COL4A5: variants seen among roughly 807,000 people sequenced by gnomAD.
COL4A5 encodes the protein collagen alpha-5(IV) chain.
COL4A5 carries 26 observed loss-of-function variants against 130.2 expected under a neutral mutation model. That is an observed-to-expected ratio of 0.20 (90% CI 0.15 to 0.28). The LOEUF is 0.28. COL4A5 is among the 10% of genes least tolerant of loss of function. The pLI is 1.00. For missense variants in COL4A5, 1,131 were observed against 1,344.3 expected (o/e 0.84, Z 2.48); for synonymous variants, 496 against 439.6 (o/e 1.13, Z -1.60).
intron 1 of COL4A5, among the ~76,000 whole-genome samples, chrX:108,448,994 C>T (rs1305647059): frequency 8.9e-6 from 1 of 111,947 alleles, no homozygotes; most frequent in Non-Finnish European, 1.9e-5. Context: ...ATGTGTATCT[C>T]TTTTTACTAG....
chrX:108,648,428 G>A (rs1372058938), intron 36 of COL4A5, among the ~76,000 whole-genome samples: 4 of 107,889 alleles, frequency 3.7e-5, no homozygotes, highest in Non-Finnish European at 5.9e-5. Context: ...GCCTAATACC[G>A]AGACCAAAAA....
chrX:108,668,568 G>T, intron 41 of COL4A5, 64 bp downstream of exon 41: 1 of 934,263 alleles, frequency 1.1e-6, no homozygotes, highest in East Asian at 3.3e-5. Flanking sequence ...TTTGCTGGCA[G>T]GTTATTCAGT....
intron 4 of COL4A5, among the ~76,000 whole-genome samples, chrX:108,564,135 T>G (rs778879778): frequency 1.2e-4 from 13 of 111,752 alleles, no homozygotes; most frequent in African/African-American, 4.2e-4. Flanking sequence ...TTTATATATA[T>G]GTCTATTTAA....
intron 36 of COL4A5, among the ~76,000 whole-genome samples, chrX:108,631,254 C>T (rs1472813531): frequency 2.7e-5 from 3 of 111,633 alleles, no homozygotes; most frequent in African/African-American, 9.8e-5. Flanking sequence ...GCAGAATGGC[C>T]ATTTTCACGA....
chrX:108,540,552 G>A (rs1195717119), intron 2 of COL4A5, among the ~76,000 whole-genome samples: 1 of 111,382 alleles, frequency 9.0e-6, no homozygotes, highest in Admixed American at 9.5e-5. Flanking sequence ...CTGGGTTCAA[G>A]CAGTTCTCGT....
At chrX:108,593,722 T>C (rs964823279) in intron 21 of COL4A5, among the ~76,000 whole-genome samples, 2 of 111,812 alleles carry the variant, frequency 1.8e-5, no homozygotes, top group Non-Finnish European at 3.8e-5. Context: ...CATGACCATA[T>C]GTGTGTAGGT....
In COL4A5 at chrX:108,584,501, T is replaced by A; in HGVS notation, c.1008T>A (p.Thr336=). 8 of 1,207,457 alleles carry A rather than the reference T, an allele frequency of 6.6e-6. No individual in the cohort carries two copies. Among genetic ancestry groups the A allele is most frequent in the Non-Finnish European group, 9.0e-6 (8 of 893,125 alleles). ...TTGAACAGGGCCAAAAAGGTGACACTGGCCCACCTGGACCTCCTGGACTTG... is the reference window on the plus strand; with the variant it reads ...TTGAACAGGGCCAAAAAGGTGACACAGGCCCACCTGGACCTCCTGGACTTG... The part of the protein sequence containing the change: ...RDGEKGQKGD[T]GPPGPPGLVI... The change falls in exon 18 of 53, where the codon ACT becomes ACA. Residue 336 remains threonine, a synonymous_variant. Coordinates refer to ENST00000328300, the MANE Select transcript of COL4A5 (RefSeq NM_033380.3).
rs2068088538 is a variant in COL4A5 at position 108,666,730 on chromosome X, C to T, written c.3553+136C>T. 3 of 559,845 alleles carry T rather than the reference C, an allele frequency of 5.4e-6. No individual in the cohort carries two copies. In the South Asian group the frequency reaches 8.7e-5, roughly 16 times the overall value. 46.1% of individuals were successfully genotyped at this position (559,845 alleles called of 1,213,427 possible). A position where few individuals can be genotyped will look rare whatever the true frequency, so the allele number is the denominator to read the frequency against. The stretch of plus-strand genomic sequence containing the variant: ...CACACTTTCCCCTTTTCCTAGTTAC[C>T]GTCTTCCTCTTCATCCTGAGACTAT... On this transcript the variant is annotated intron_variant, in intron 39 of 52. Coordinates refer to ENST00000328300, the MANE Select transcript of COL4A5 (RefSeq NM_033380.3).
At chrX:108,575,999 C>A in intron 10 of COL4A5, 27 bp downstream of exon 10, 1 of 968,782 alleles carries the variant, frequency 1.0e-6, no homozygotes, top group South Asian at 2.1e-5. Context: ...AATTTAATTT[C>A]CCCCCCTTTC....
At chrX:108,596,959 TTGTG>T (rs747434772) in intron 22 of COL4A5, 35 bp from the exon 23 acceptor site, 6 of 1,099,097 alleles carry the variant, frequency 5.5e-6, no homozygotes, top group Non-Finnish European at 4.9e-6. Flanking sequence ...GCTTACGTTA[TTGTG>T]TGTGTGTGTG....
intron 31 of COL4A5, among the ~76,000 whole-genome samples, 172 bp downstream of exon 31, chrX:108,620,598 C>G (rs935377815): frequency 1.1e-4 from 12 of 112,096 alleles, no homozygotes; most frequent in African/African-American, 3.9e-4. Context: ...GCACATTTTT[C>G]TCTGTGAGAG....
At chrX:108,620,508 C>T in intron 31 of COL4A5, 82 bp downstream of exon 31, 2 of 825,075 alleles carry the variant, frequency 2.4e-6, no homozygotes, top group East Asian at 6.5e-5. Flanking sequence ...CCATGTTACA[C>T]TTTTCTAGAT....
At chrX:108,463,153 TA>T (rs924750989) in intron 1 of COL4A5, among the ~76,000 whole-genome samples, 4 of 111,301 alleles carry the variant, frequency 3.6e-5, no homozygotes, top group East Asian at 2.8e-4. Context: ...TCCTTCTTAG[TA>T]AAAAAAAGGA....
At chrX:108,519,703 T>C (rs971013891) in intron 1 of COL4A5, among the ~76,000 whole-genome samples, 1 of 111,569 alleles carries the variant, frequency 9.0e-6, no homozygotes, top group African/African-American at 3.2e-5. Flanking sequence ...TAGTTTCTAA[T>C]TACATTTCTT....
At chrX:108,454,196 G>T (rs1015167479) in intron 1 of COL4A5, among the ~76,000 whole-genome samples, 2 of 112,241 alleles carry the variant, frequency 1.8e-5, no homozygotes, top group Admixed American at 9.4e-5. Context: ...GAATCAATGG[G>T]TTAAGTTACA....
chrX:108,614,974 T>C lies in COL4A5; in HGVS notation c.2459T>C (p.Val820Ala). The C allele has an allele frequency of 8.3e-7, 1 of 1,211,013 alleles. No individual in the cohort carries two copies. Among genetic ancestry groups the C allele is most frequent in the Non-Finnish European group, 1.1e-6 (1 of 894,811 alleles). Residue 820 changes from valine to alanine, a missense_variant, in exon 30 of 53, where the codon GTT (valine) becomes GCT (alanine). Transcript: ENST00000328300. The stretch of plus-strand genomic sequence containing the variant: ...CCTCCTGGGCTGCCAGGAATAGGTG[T>C]TCAGGGACCACCAGGACCACCAGGG... ...MGPPGLPGIGVQGPPGPPGIP... is the reference protein window; with the variant it reads ...MGPPGLPGIGAQGPPGPPGIP...
intron 1 of COL4A5, among the ~76,000 whole-genome samples, chrX:108,464,842 GAA>G (rs766626005): frequency 1.8e-5 from 2 of 112,180 alleles, no homozygotes; most frequent in Non-Finnish European, 3.8e-5. Context: ...GTTGCCTGGG[GAA>G]ATCTTACTGA....
Position 108,622,816 on chromosome X carries a change from G to A in COL4A5, c.2908G>A (p.Gly970Ser), listed in dbSNP as rs2147865920. 1 of 1,207,064 alleles carries A rather than the reference G, an allele frequency of 8.3e-7. No individual in the cohort carries two copies. The highest frequency in any genetic ancestry group is 1.1e-6 in the Non-Finnish European group (1 of 893,514). ...LGSKGEKGEP[G>S]LPGIPGVSGP... ...CTCAAAAGGAGAGAAGGGGGAACCT[G>A]GCTTACCAGGTGAGTGAATGAATTT... The change falls in exon 33 of 53, where the codon GGC (glycine) becomes AGC (serine). Residue 970 changes from glycine to serine, a missense_variant. By Grantham distance (56) the Gly-to-Ser change is moderately conservative. Transcript: ENST00000328300.
intron 1 of COL4A5, among the ~76,000 whole-genome samples, chrX:108,515,860 A>T (rs187960134): frequency 1.8e-5 from 2 of 111,616 alleles, no homozygotes; most frequent in African/African-American, 6.5e-5. Context: ...AAACATTATT[A>T]AGACTGCATT....
Sources: allele counts gnomAD v4.1 joint callset (sites outside exome capture counted in the v4.1 genomes callset), GRCh38; gene constraint gnomAD v4.1.1; transcripts MANE v1.5; gene names NCBI Gene and HGNC (gene_info 2026-07-23, HGNC 2026-07-21).